The following PGM5 variants were observed in gnomAD, a reference collection of about 807,000 sequenced individuals.
The protein encoded by PGM5 is phosphoglucomutase-like protein 5.
In PGM5, 23 loss-of-function variants were observed where a neutral mutation model predicts 59.2. The observed-to-expected ratio is 0.39, with a 90% CI of 0.28 to 0.55. The LOEUF (loss-of-function observed/expected upper bound fraction) is 0.55. Among genes scored for constraint, PGM5 ranks in the 20% least tolerant of loss-of-function variants. The pLI is 0.66. For synonymous variants in PGM5, 214 were observed against 286.0 expected, an observed-to-expected ratio of 0.75 and a Z score of 2.54; for missense variants, 574 against 748.3, an observed-to-expected ratio of 0.77 and a Z score of 2.72.
In PGM5 at chr9:68,499,340, C is replaced by T. The variant is rs782380851; in HGVS notation, c.1593C>T (p.Ser531=). 54 of 1,613,944 alleles carry T rather than the reference C, an allele frequency of 3.3e-5. No homozygotes were observed. The highest frequency in any genetic ancestry group is 3.6e-5 in the Non-Finnish European group (43 of 1,180,000). ...LYAESYERDP[S]GHDQEPQAVL... ...CAGAGAGCTACGAGAGGGATCCCAG[C>T]GGCCATGACCAGGAGCCACAGGTAC... Residue 531 remains serine, a synonymous_variant, in exon 10 of 11, where the codon AGC becomes AGT. Coordinates refer to ENST00000396396, the MANE Select transcript of PGM5 (RefSeq NM_021965.4).
At chr9:68,423,655 GTCTCTCTCTCTC>G (rs111849049) in intron 6 of PGM5, among the ~76,000 whole-genome samples, 26 of 145,822 alleles carry the variant, frequency 1.8e-4, no homozygotes, top group Non-Finnish European at 6.1e-5. Context: ...CTCTCTCTCT[GTCTCTCTCTCTC>G]TCTCTCTCTC....
intron 6 of PGM5, among the ~76,000 whole-genome samples, chr9:68,445,635 G>T (rs1554683959): frequency 6.6e-6 from 1 of 152,128 alleles, no homozygotes; most frequent in African/African-American, 2.4e-5. Flanking sequence ...AAACCCAAAG[G>T]GTAGAGAGTC....
chr9:68,481,519 C>T (rs1824196451), intron 8 of PGM5, among the ~76,000 whole-genome samples: 1 of 152,188 alleles, frequency 6.6e-6, no homozygotes, highest in African/African-American at 2.4e-5. Flanking sequence ...AACGTCCAAC[C>T]TGACAAAATA....
At chr9:68,483,832 A>T in intron 8 of PGM5, 33 bp from the exon 9 acceptor site, 1 of 1,603,490 alleles carries the variant, frequency 6.2e-7, no homozygotes, top group East Asian at 2.2e-5. Flanking sequence ...TGGTTCTCTG[A>T]TTAGGTTTCT....
intron 6 of PGM5, chr9:68,396,715 GATGGACACTTTAT>G (rs1822514841): frequency 6.6e-6 from 1 of 151,808 alleles, no homozygotes; most frequent in Non-Finnish European, 1.5e-5. Flanking sequence ...GGATTCTCAT[GATGGACACTTTAT>G]AAGCTTCTTT....
intron 7 of PGM5, among the ~76,000 whole-genome samples, chr9:68,466,935 G>A (rs1554685873): frequency 6.6e-6 from 1 of 152,158 alleles, no homozygotes; most frequent in Non-Finnish European, 1.5e-5. Context: ...CTCCCCAGAG[G>A]CAGAAGAGTT....
At chr9:68,514,101 A>T (rs1483973120) in intron 10 of PGM5, among the ~76,000 whole-genome samples, 1 of 152,224 alleles carries the variant, frequency 6.6e-6, no homozygotes, top group African/African-American at 2.4e-5. Flanking sequence ...TCGGGCCCCA[A>T]CCCAGATCTA....
At chr9:68,422,267 G>A (rs1205390538) in intron 6 of PGM5, among the ~76,000 whole-genome samples, 1 of 152,002 alleles carries the variant, frequency 6.6e-6, no homozygotes, top group Admixed American at 6.6e-5. Flanking sequence ...TATATGGGGG[G>A]TTTGCCTGGG....
At chr9:68,476,584 C>T (rs1349211866) in intron 7 of PGM5, among the ~76,000 whole-genome samples, 2 of 152,178 alleles carry the variant, frequency 1.3e-5, no homozygotes, top group African/African-American at 2.4e-5. Context: ...AAATCCACTC[C>T]AAAGTACACT....
intron 6 of PGM5, among the ~76,000 whole-genome samples, chr9:68,421,711 C>T (rs536506134): frequency 9.2e-5 from 14 of 151,796 alleles, no homozygotes; most frequent in Non-Finnish European, 1.3e-4. Flanking sequence ...AGTGAGACTC[C>T]GTCTCAAAAA....
rs1554686943 is a variant in PGM5, at chr9:68,479,566, G to A, written c.1295+13G>A. On this transcript the variant is annotated intron_variant, in intron 8 of 10. Coordinates refer to ENST00000396396, the MANE Select transcript of PGM5 (RefSeq NM_021965.4). ...ACTACTATTGCAGGTGAGGAGAAGG[G>A]GAAGGGTCTCTGTATGGACCCTGAA... The A allele has an allele frequency of 8.1e-6, 13 of 1,613,220 alleles. No homozygotes were observed. The highest frequency in any genetic ancestry group is 1.1e-5 in the Non-Finnish European group (13 of 1,179,414).
intron 6 of PGM5, among the ~76,000 whole-genome samples, chr9:68,430,374 A>T (rs1194639891): frequency 6.6e-6 from 1 of 152,268 alleles, no homozygotes; most frequent in Non-Finnish European, 1.5e-5. Context: ...AGTGCATTTC[A>T]TGCTTTCGCT....
intron 6 of PGM5, among the ~76,000 whole-genome samples, chr9:68,394,816 C>A (rs1196827460): frequency 1.3e-5 from 2 of 152,012 alleles, no homozygotes; most frequent in African/African-American, 4.8e-5. Context: ...GAAATGAGAT[C>A]TTGCTATGTT....
chr9:68,425,719 C>T (rs1823225268), intron 6 of PGM5, among the ~76,000 whole-genome samples: 1 of 151,982 alleles, frequency 6.6e-6, no homozygotes, highest in Non-Finnish European at 1.5e-5. Flanking sequence ...GAAGAGAAAT[C>T]ATCTTGAATC....
At position 68,430,354 on chromosome 9, in the gene PGM5, G is replaced by A. The variant is rs1452741553; in HGVS notation, c.1044-34739G>A. Among the ~76,000 whole-genome samples the A allele has an allele frequency of 2.0e-5, 3 of 152,382 alleles. No homozygotes were observed. The East Asian group carries it at 5.8e-4, about 29-fold the overall frequency. ...CCTAAACAGCTCTGGGTCTCATGGA[G>A]AGCGAAATGAGTGCATTTCATGCTT... On this transcript the variant is annotated intron_variant, in intron 6 of 10. Transcript: ENST00000396396.
intron 6 of PGM5, among the ~76,000 whole-genome samples, chr9:68,403,492 G>A (rs1822720799): frequency 6.6e-6 from 1 of 152,110 alleles, no homozygotes; most frequent in South Asian, 2.1e-4. Context: ...CCGGTCCCTG[G>A]TGCCAAAAAG....
intron 1 of PGM5, among the ~76,000 whole-genome samples, chr9:68,362,250 G>A (rs1834591280): frequency 6.6e-6 from 1 of 152,070 alleles, no homozygotes; most frequent in African/African-American, 2.4e-5. Flanking sequence ...AAAATTACTG[G>A]TGTTTGGAGT....
At chr9:68,373,231 C>T (rs1429735320) in intron 1 of PGM5, among the ~76,000 whole-genome samples, 1 of 145,678 alleles carries the variant, frequency 6.9e-6, no homozygotes, top group Non-Finnish European at 1.5e-5. Context: ...CCCCATCACC[C>T]TCTCTTTCAC....
intron 6 of PGM5, among the ~76,000 whole-genome samples, chr9:68,409,525 C>T (rs1554681440): frequency 7.2e-6 from 1 of 139,266 alleles, no homozygotes; most frequent in Non-Finnish European, 1.5e-5. Context: ...CACATATACA[C>T]CATGGAATAC....
Sources: allele counts gnomAD v4.1 joint callset (sites outside exome capture counted in the v4.1 genomes callset), GRCh38; gene constraint gnomAD v4.1.1; transcripts MANE v1.5; gene names NCBI Gene and HGNC (gene_info 2026-07-23, HGNC 2026-07-21).